Variants in RYR3 observed in about 807,000 individuals in gnomAD.
RYR3 encodes the protein brain ryanodine receptor-calcium release channel.
A neutral mutation model predicts 584.3 loss-of-function variants in RYR3; 207 were observed. The ratio of observed to expected loss-of-function variants is 0.35; its 90% CI spans 0.32 to 0.40. The LOEUF (loss-of-function observed/expected upper bound fraction) is 0.40. RYR3 is among the 10% of genes least tolerant of loss of function. The pLI is 1.00. For synonymous variants in RYR3, 2,416 were observed against 2,248.5 expected (o/e 1.07, Z -2.11); for missense variants, 5,616 against 6,089.2 (o/e 0.92, Z 2.59).
At chr15:33,632,891 C>G in intron 23 of RYR3, 58 bp from the exon 24 acceptor site, 1 of 1,490,392 alleles carries the variant, frequency 6.7e-7, no homozygotes, top group Non-Finnish European at 9.2e-7. Context: ...GTCTAAAATC[C>G]GGAATGAGAA....
At chr15:33,689,301 C>T (rs1419613035) in intron 38 of RYR3, among the ~76,000 whole-genome samples, 1 of 151,906 alleles carries the variant, frequency 6.6e-6, no homozygotes, top group East Asian at 1.9e-4. Flanking sequence ...AGCACACCAA[C>T]ATGGCACATG....
rs139249269 is a variant in RYR3, at chr15:33,840,846, A to G, written c.13000A>G (p.Asn4334Asp). The G allele has an allele frequency of 2.6e-5, 42 of 1,613,986 alleles. No individual in the cohort carries two copies. In the African/African-American group the frequency reaches 5.2e-4, roughly 20 times the overall value. The change falls in exon 90 of 104, where the codon AAT becomes GAT. Residue 4334 changes from asparagine to aspartate, a missense_variant. Asn to Asp is a conservative substitution (Grantham distance 23). Around this residue, in one of 9 missense-constraint regions of RYR3, gnomAD observed 918 missense variants for 887.4 expected, o/e 1.03. Coordinates refer to ENST00000634891, the MANE Select transcript of RYR3 (RefSeq NM_001036.6). Reference protein sequence around the residue: ...KAQAAEMKAANEAEGKVESEK... With the variant: ...KAQAAEMKAADEAEGKVESEK... ...CTAGGCAGCAGAAATGAAAGCAGCAAATGAAGCAGAAGGAAAAGTAGAATC... is the reference window on the plus strand; with the variant it reads ...CTAGGCAGCAGAAATGAAAGCAGCAGATGAAGCAGAAGGAAAAGTAGAATC...
At chr15:33,604,393 T>G (rs2059811543) in intron 18 of RYR3, among the ~76,000 whole-genome samples, 1 of 152,264 alleles carries the variant, frequency 6.6e-6, no homozygotes. Context: ...ATGACATGCT[T>G]CTTTTAATTG....
chr15:33,595,855 G>A (rs951792372), intron 16 of RYR3, among the ~76,000 whole-genome samples: 5 of 151,964 alleles, frequency 3.3e-5, no homozygotes, highest in Middle Eastern at 6.8e-3. Flanking sequence ...TTTTCCCTAA[G>A]CAAACCAAAA....
intron 67 of RYR3, 71 bp from the exon 68 acceptor site, chr15:33,800,699 T>A (rs990857677): frequency 4.3e-5 from 47 of 1,096,726 alleles, no homozygotes; most frequent in Non-Finnish European, 6.2e-5. Context: ...AGTGCTGGTA[T>A]AATTTTTAGA....
intron 16 of RYR3, among the ~76,000 whole-genome samples, chr15:33,592,944 C>T (rs993673101): frequency 7.2e-5 from 11 of 152,134 alleles, no homozygotes; most frequent in Non-Finnish European, 4.4e-5. Context: ...AGACGTGAGA[C>T]GTGGGACATC....
intron 32 of RYR3, among the ~76,000 whole-genome samples, chr15:33,653,710 TCATTTCC>T (rs2062640385): frequency 6.6e-6 from 1 of 151,992 alleles, no homozygotes; most frequent in Non-Finnish European, 1.5e-5. Flanking sequence ...ATGTGTTTCC[TCATTTCC>T]TGGACCGTGA....
At chr15:33,450,107 A>AAAAAAAAAAAAAAAAAC (rs2047000330) in intron 1 of RYR3, among the ~76,000 whole-genome samples, 1 of 144,964 alleles carries the variant, frequency 6.9e-6, no homozygotes, top group African/African-American at 2.6e-5. Context: ...AAAAAAAAAA[A>AAAAAAAAAAAAAAAAAC]AAAAGCCGGC....
chr15:33,608,758 A>C (rs995115346), intron 18 of RYR3, among the ~76,000 whole-genome samples: 2 of 152,240 alleles, frequency 1.3e-5, no homozygotes, highest in Non-Finnish European at 2.9e-5. Context: ...TTTTCTTAGC[A>C]AATGTTCCAA....
chr15:33,540,210 A>G (rs1334662379), intron 6 of RYR3, among the ~76,000 whole-genome samples: 2 of 152,200 alleles, frequency 1.3e-5, no homozygotes, highest in Admixed American at 1.3e-4. Flanking sequence ...AGAACAAGAA[A>G]GGATCGAATA....
chr15:33,830,607 GAAC>G (rs1398084680), intron 85 of RYR3, among the ~76,000 whole-genome samples: 1 of 137,432 alleles, frequency 7.3e-6, no homozygotes, highest in African/African-American at 2.5e-5. Flanking sequence ...AATGTACTCA[GAAC>G]AACGTCTGGC....
At chr15:33,551,143 T>C (rs554422950) in intron 10 of RYR3, among the ~76,000 whole-genome samples, 1 of 152,192 alleles carries the variant, frequency 6.6e-6, no homozygotes, top group Non-Finnish European at 1.5e-5. Context: ...TGACAGACAG[T>C]TGGATGGTCT....
At chr15:33,336,440 AAGAGAG>A (rs1204873404) in intron 1 of RYR3, among the ~76,000 whole-genome samples, 480 of 12,120 alleles carry the variant, frequency 0.04, 85 homozygotes, top group East Asian at 0.17. Context: ...GAAAGAAAGA[AAGAGAG>A]AGAGAGAGAG....
rs1214691015 is a variant in RYR3, at chr15:33,840,813, A to G, written c.12979-12A>G. The G allele has an allele frequency of 1.5e-5, 25 of 1,613,538 alleles. No individual in the cohort carries two copies. The East Asian group carries it at 5.1e-4, about 33-fold the overall frequency. ...TTTGAGGAAAGCTTGACTAATTGTT[A>G]TTTTTGTCTAGGCAGCAGAAATGAA... On this transcript the variant is annotated splice_polypyrimidine_tract_variant and intron_variant, in intron 89 of 103. Coordinates refer to ENST00000634891, the MANE Select transcript of RYR3 (RefSeq NM_001036.6).
intron 1 of RYR3, among the ~76,000 whole-genome samples, chr15:33,444,501 G>A (rs942756321): frequency 1.3e-5 from 2 of 152,170 alleles, no homozygotes. Context: ...TAGACATATG[G>A]GGATGAAGGA....
chr15:33,601,360 G>T, intron 16 of RYR3, 59 bp from the exon 17 acceptor site: 1 of 1,573,962 alleles, frequency 6.4e-7, no homozygotes, highest in Non-Finnish European at 8.7e-7. Context: ...CATTGTGGTG[G>T]TCCTGCCTGC....
intron 1 of RYR3, among the ~76,000 whole-genome samples, chr15:33,462,192 C>A (rs1417422963): frequency 6.6e-6 from 1 of 151,982 alleles, no homozygotes; most frequent in Non-Finnish European, 1.5e-5. Flanking sequence ...TATAGAGCAT[C>A]TTTTTTTGAA....
intron 20 of RYR3, among the ~76,000 whole-genome samples, chr15:33,627,984 A>G (rs2152621388): frequency 6.6e-6 from 1 of 152,336 alleles, no homozygotes; most frequent in South Asian, 2.1e-4. Flanking sequence ...GGGGCCATGC[A>G]ACAAAAAGCA....
At chr15:33,853,486 G>A in intron 95 of RYR3, 69 bp from the exon 96 acceptor site, 1 of 1,550,776 alleles carries the variant, frequency 6.4e-7, no homozygotes, top group Non-Finnish European at 8.7e-7. Flanking sequence ...AAGCTCTGAA[G>A]ACCCCAGAGC....
Sources: allele counts gnomAD v4.1 joint callset (sites outside exome capture counted in the v4.1 genomes callset), GRCh38; gene constraint gnomAD v4.1.1; regional missense constraint gnomAD v4.1.1; transcripts MANE v1.5; gene names NCBI Gene and HGNC (gene_info 2026-07-23, HGNC 2026-07-21).